Variants in ZNF729 observed in about 807,000 individuals in gnomAD.
The protein encoded by ZNF729 is zinc finger protein 729.
In ZNF729, 15 loss-of-function variants were observed where a neutral mutation model predicts 12.2. The ratio of observed to expected loss-of-function variants is 1.23; its 90% CI spans 0.82 to 1.89. The LOEUF (loss-of-function observed/expected upper bound fraction) is 1.89, where lower values mean the gene tolerates loss of function less well. Among genes scored for constraint, ZNF729 ranks in the 40% most tolerant of loss-of-function variants. The pLI, the probability that ZNF729 is intolerant of heterozygous loss-of-function variation, is 0.00. For missense variants in ZNF729, 1,540 were observed against 1,456.7 expected (o/e 1.06, Z -0.93); for synonymous variants, 492 against 476.3 (o/e 1.03, Z -0.43).
rs1276869885 is a variant in ZNF729 at position 22,313,649 on chromosome 19, T to A, written c.254-22T>A. The A allele has an allele frequency of 3.5e-6, 5 of 1,434,986 alleles. No homozygotes were observed. The South Asian group carries it at 8.1e-5, about 23-fold the overall frequency. The allele number at this position is 1,434,986 out of a possible 1,614,324, so 88.9% of individuals were successfully genotyped here. A position where few individuals can be genotyped will look rare whatever the true frequency, so the allele number is the denominator to read the frequency against. On this transcript the variant is annotated intron_variant, in intron 3 of 3. Transcript: ENST00000601693. ...ATCTGAGTCTAGCAAGTGGAATAAT[T>A]TGTTATTTTTATTTCTTCTAGTTAT...
intron 1 of ZNF729, among the ~76,000 whole-genome samples, chr19:22,302,342 A>G (rs1422717103): frequency 2.6e-5 from 4 of 152,308 alleles, no homozygotes; most frequent in Non-Finnish European, 4.4e-5. Flanking sequence ...GGTTGAATTA[A>G]ACGTCATCAT....
intron 1 of ZNF729, 35 bp from the exon 2 acceptor site, chr19:22,303,723 G>C: frequency 6.7e-7 from 1 of 1,499,126 alleles, no homozygotes. Context: ...TGGCCACTTG[G>C]GAAATGTATA....
chr19:22,315,216 A>G lies in ZNF729; in HGVS notation c.1799A>G (p.Tyr600Cys), dbSNP rs1288939737. ...GTAATTCATACTAGGGAGAAATTGTACAAATGTGAAGAATGTGGCAAAGCT... is the reference window on the plus strand; with the variant it reads ...GTAATTCATACTAGGGAGAAATTGTGCAAATGTGAAGAATGTGGCAAAGCT... ...HKVIHTREKLYKCEECGKAFN... is the reference protein window; with the variant it reads ...HKVIHTREKLCKCEECGKAFN... Residue 600 changes from tyrosine (Y) to cysteine (C), a missense_variant, in exon 4 of 4, where the codon TAC becomes TGC. Coordinates refer to ENST00000601693, the MANE Select transcript of ZNF729 (RefSeq NM_001242680.2). 6.2e-7 allele frequency: 1 copy of G among 1,612,156 alleles called. No homozygotes were observed. The highest frequency in any genetic ancestry group is 8.5e-7 in the Non-Finnish European group (1 of 1,179,372).
In ZNF729 at chr19:22,315,791, G is replaced by T; in HGVS notation, c.2374G>T (p.Gly792Ter). The change falls in exon 4 of 4, where the codon GGA (glycine) becomes TGA (stop). Residue 792 changes from glycine to a stop codon, truncating the protein, a stop_gained. Coordinates refer to ENST00000601693, the MANE Select transcript of ZNF729 (RefSeq NM_001242680.2). LOFTEE classifies it low-confidence loss of function (END_TRUNC). ...ALMKHKVIHT[G>*]EKPYKCEECG... is the part of the protein sequence containing the mutation. ...TATGAAACATAAGGTAATTCATACT[G>T]GAGAGAAACCCTACAAGTGTGAAGA... The T allele has an allele frequency of 6.2e-7, 1 of 1,610,406 alleles. No individual in the cohort carries two copies.
chr19:22,310,821 C>A (rs1361810468), intron 3 of ZNF729, among the ~76,000 whole-genome samples: 1 of 152,078 alleles, frequency 6.6e-6, no homozygotes, highest in African/African-American at 2.4e-5. Flanking sequence ...CTGTCTGGTC[C>A]TAGACTTTTT....
chr19:22,302,257 A>T (rs1968319207), intron 1 of ZNF729, among the ~76,000 whole-genome samples: 1 of 152,310 alleles, frequency 6.6e-6, no homozygotes. Flanking sequence ...TCATGTGGCC[A>T]TTAAAAAAAT....
At position 22,293,880 on chromosome 19, in the gene ZNF729, A is replaced by G. The variant is rs192776996; in HGVS notation, c.30+7325A>G. 1.6e-3 allele frequency among the ~76,000 whole-genome samples: 237 copies of G among 152,274 alleles called. 1 individual carries two copies. Among genetic ancestry groups the G allele is most frequent in the African/African-American group, 5.0e-3 (209 of 41,562 alleles). On this transcript the variant is annotated intron_variant, in intron 1 of 3. Transcript: ENST00000601693. ...GGATTCTGGATATTAGACCTTTGTCAAAAGCATAGTTTGGAAATATTTTAT... is the reference window on the plus strand; with the variant it reads ...GGATTCTGGATATTAGACCTTTGTCGAAAGCATAGTTTGGAAATATTTTAT...
intron 1 of ZNF729, among the ~76,000 whole-genome samples, chr19:22,300,372 G>A (rs150036685): frequency 6.9e-4 from 105 of 152,262 alleles, no homozygotes; most frequent in African/African-American, 2.0e-3. Flanking sequence ...GTTTAATTGT[G>A]TAATAAAACA....
chr19:22,302,837 G>A (rs1030790690), intron 1 of ZNF729, among the ~76,000 whole-genome samples: 8 of 123,746 alleles, frequency 6.5e-5, no homozygotes, highest in South Asian at 2.7e-4. Flanking sequence ...TTTCTAGAGC[G>A]GGAGTGCAGT....
chr19:22,316,850 T>C lies in ZNF729; in HGVS notation c.3433T>C (p.Ser1145Pro). ...ATGTGGCAAAGCCTTTAGTCAGTCCTCAATCCTTACTAAACATAAGATAAT... is the reference window on the plus strand; with the variant it reads ...ATGTGGCAAAGCCTTTAGTCAGTCCCCAATCCTTACTAAACATAAGATAAT... ...EECGKAFSQS[S>P]ILTKHKIIHS... The change falls in exon 4 of 4, where the codon TCA (serine) becomes CCA (proline). Residue 1145 changes from serine (S) to proline (P), a missense_variant. Coordinates refer to ENST00000601693, the MANE Select transcript of ZNF729 (RefSeq NM_001242680.2). The C allele has an allele frequency of 1.2e-6, 2 of 1,613,088 alleles. No individual in the cohort carries two copies.
At chr19:22,313,497 A>G (rs1470390610) in intron 3 of ZNF729, among the ~76,000 whole-genome samples, 174 bp from the exon 4 acceptor site, 2 of 152,116 alleles carry the variant, frequency 1.3e-5, no homozygotes, top group African/African-American at 4.8e-5. Context: ...ATTTTCCACA[A>G]ATGTATTTGG....
chr19:22,304,819 A>C (rs779550679), intron 3 of ZNF729, 36 bp downstream of exon 3: 3 of 1,588,304 alleles, frequency 1.9e-6, no homozygotes, highest in African/African-American at 2.7e-5. Flanking sequence ...AACACAGATA[A>C]GAGGTCCAGA....
At chr19:22,289,036 G>C (rs1237661470) in intron 1 of ZNF729, among the ~76,000 whole-genome samples, 1 of 152,020 alleles carries the variant, frequency 6.6e-6, no homozygotes, top group Non-Finnish European at 1.5e-5. Flanking sequence ...TGGATGGCCT[G>C]ATTGAAACAT....
At position 22,304,702 on chromosome 19, in the gene ZNF729, A is replaced by G. The variant is rs753577014; in HGVS notation, c.172A>G (p.Lys58Glu). 6.2e-7 allele frequency: 1 copy of G among 1,612,802 alleles called. No individual in the cohort carries two copies. The highest frequency in any genetic ancestry group is 8.5e-7 in the Non-Finnish European group (1 of 1,179,394). Residue 58 changes from lysine (K) to glutamate (E), a missense_variant, in exon 3 of 4, where the codon AAG becomes GAG. Transcript: ENST00000601693. ...TAATAAAACAGGTATGGCTGTCTTT[A>G]AGCCAGACTTGATAACTTGTCTGAA... ...NLVFLGMAVF[K>E]PDLITCLKQG...
chr19:22,314,002 A>T lies in ZNF729; in HGVS notation c.585A>T (p.Leu195Phe). 1 of 1,540,800 alleles carries T rather than the reference A, an allele frequency of 6.5e-7. No homozygotes were observed. Among genetic ancestry groups the T allele is most frequent in the Non-Finnish European group, 8.7e-7 (1 of 1,146,282 alleles). Residue 195 changes from leucine (L) to phenylalanine (F), a missense_variant, in exon 4 of 4, where the codon TTA becomes TTT. By Grantham distance (22) the Leu-to-Phe change is conservative. Transcript: ENST00000601693. ...AATCATTTTTCATGCTTTCATGCTT[A>T]ATTCGACATAAGAGAATTCATATTA... is the stretch of plus-strand genomic sequence containing the variant. The part of the protein sequence containing the change: ...CSKSFFMLSC[L>F]IRHKRIHIRQ...
intron 3 of ZNF729, among the ~76,000 whole-genome samples, chr19:22,312,093 C>T (rs1275837179): frequency 6.6e-6 from 1 of 151,958 alleles, no homozygotes; most frequent in Admixed American, 6.6e-5. Context: ...TACCTCATGC[C>T]ATTAGGGGAA....
intron 3 of ZNF729, among the ~76,000 whole-genome samples, chr19:22,306,446 A>AG (rs1289289620): frequency 6.7e-6 from 1 of 150,370 alleles, no homozygotes; most frequent in East Asian, 1.9e-4. Context: ...TCAAAAAAAA[A>AG]AAAAGAAAAG....
rs1269911916 is a variant in ZNF729, at chr19:22,316,227, A to C, written c.2810A>C (p.Lys937Thr). The change falls in exon 4 of 4, where the codon AAA becomes ACA. Residue 937 changes from lysine to threonine, a missense_variant. Physicochemically the swap from Lys to Thr is moderately conservative, Grantham distance 78. Transcript: ENST00000601693. ...ATTCATACTGGAAAGAAACCCTACAAATGTGAAGAATGTGGCAAAGCTTTT... is the reference window on the plus strand; with the variant it reads ...ATTCATACTGGAAAGAAACCCTACACATGTGAAGAATGTGGCAAAGCTTTT... ...KIIHTGKKPY[K>T]CEECGKAFND... The C allele has an allele frequency of 6.2e-7, 1 of 1,613,618 alleles. No homozygotes were observed. The highest frequency in any genetic ancestry group is 8.5e-7 in the Non-Finnish European group (1 of 1,179,776).
intron 3 of ZNF729, among the ~76,000 whole-genome samples, chr19:22,312,440 T>TTGTGTGTG (rs138264785): frequency 0.057 from 8,194 of 144,562 alleles, 256 homozygotes; most frequent in African/African-American, 0.087. Flanking sequence ...TTGTCTGAAA[T>TTGTGTGTG]TGTGTGTGTG....
Sources: allele counts gnomAD v4.1 joint callset (sites outside exome capture counted in the v4.1 genomes callset), GRCh38; gene constraint gnomAD v4.1.1; transcripts MANE v1.5; gene names NCBI Gene and HGNC (gene_info 2026-07-23, HGNC 2026-07-21).